The following ETS1 variants were observed in gnomAD, a reference collection of about 807,000 sequenced individuals.
ETS1 encodes the protein protein C-ets-1.
In ETS1, 15 loss-of-function variants were observed where a neutral mutation model predicts 58.6. The observed-to-expected ratio is 0.26, with a 90% CI of 0.17 to 0.39. The LOEUF (loss-of-function observed/expected upper bound fraction) is 0.39. Ranked by LOEUF, ETS1 falls within the 10% of genes least tolerant of loss-of-function variation. The pLI is 1.00. For synonymous variants in ETS1, 214 were observed against 218.2 expected (o/e 0.98, Z 0.17); for missense variants, 417 against 610.5 (o/e 0.68, Z 3.34).
At chr11:128,522,242 G>A (rs968926193) in intron 3 of ETS1, 13 of 1,194,544 alleles carry the variant, frequency 1.1e-5, no homozygotes, top group Non-Finnish European at 1.3e-5. Context: ...CGCCGCGCCC[G>A]CTCCTCCTGC....
chr11:128,519,605 G>A (rs1863610987), intron 3 of ETS1, among the ~76,000 whole-genome samples: 1 of 152,150 alleles, frequency 6.6e-6, no homozygotes, highest in Non-Finnish European at 1.5e-5. Context: ...AGACAGCCCT[G>A]GCCAGAAACA....
intron 8 of ETS1, among the ~76,000 whole-genome samples, chr11:128,473,127 T>A (rs1056683811): frequency 6.6e-6 from 1 of 152,172 alleles, no homozygotes; most frequent in African/African-American, 2.4e-5. Flanking sequence ...AGTCAGTGTA[T>A]ATGAAGGAGT....
chr11:128,535,111 AT>A (rs1195753479), intron 3 of ETS1, among the ~76,000 whole-genome samples: 4 of 152,056 alleles, frequency 2.6e-5, no homozygotes, highest in Non-Finnish European at 4.4e-5. Flanking sequence ...CTTTTTAATA[AT>A]CGTCATTCTG....
chr11:128,552,237 C>T (rs935004293), intron 3 of ETS1, among the ~76,000 whole-genome samples: 11 of 152,228 alleles, frequency 7.2e-5, no homozygotes, highest in Admixed American at 6.5e-4. Flanking sequence ...CTGGGTCCAG[C>T]GTCTGGGTTC....
rs369830957 is a variant in ETS1, at chr11:128,538,832, C to T, written c.214+17459G>A. ...CTCAGGTATCCTCAAAATACTCATG[C>T]ACTGTAGTGAGCAGTATTGAGGAAC... On this transcript the variant is annotated intron_variant, in intron 3 of 9. Coordinates refer to ENST00000392668, the MANE Select transcript of ETS1 (RefSeq NM_001143820.2). Among the ~76,000 whole-genome samples the T allele has an allele frequency of 3.5e-4, 54 of 152,168 alleles. No individual in the cohort carries two copies. The East Asian group carries it at 7.3e-3, about 21-fold the overall frequency.
At chr11:128,526,492 G>A (rs771947647) in intron 3 of ETS1, 9 of 181,234 alleles carry the variant, frequency 5.0e-5, no homozygotes, top group Non-Finnish European at 9.4e-5. Context: ...TCTAGTATAC[G>A]GTAGAATATG....
chr11:128,510,010 T>G (rs528502162), intron 3 of ETS1, among the ~76,000 whole-genome samples: 6 of 152,316 alleles, frequency 3.9e-5, no homozygotes, highest in African/African-American at 1.2e-4. Flanking sequence ...CCAACTGAAC[T>G]GCAGTTATGT....
At position 128,464,960 on chromosome 11, in the gene ETS1, T is replaced by C. The variant is rs914281705; in HGVS notation, c.1124-1333A>G. Among the ~76,000 whole-genome samples, 9 of 152,208 alleles carry C rather than the reference T, an allele frequency of 5.9e-5. No homozygotes were observed. The highest frequency in any genetic ancestry group is 2.2e-4 in the African/African-American group (9 of 41,458). ...TTCCTTTCTAATGGTGCAGAAAAAG[T>C]GCTCAGCAAAGTACTGTGACTTTGC... On this transcript the variant is annotated intron_variant, in intron 8 of 9. Coordinates refer to ENST00000392668, the MANE Select transcript of ETS1 (RefSeq NM_001143820.2). The surrounding 1 kb of genome is among the most constrained non-coding windows in gnomAD (Gnocchi z 4.1).
At chr11:128,574,643 G>T (rs1442866205) in intron 1 of ETS1, among the ~76,000 whole-genome samples, 1 of 152,156 alleles carries the variant, frequency 6.6e-6, no homozygotes, top group East Asian at 1.9e-4. Flanking sequence ...AGAGTAAGAT[G>T]CATGTCACGT....
rs551630544 is a variant in ETS1 at position 128,500,829 on chromosome 11, T to G, written c.215-10253A>C. 3.6e-4 allele frequency among the ~76,000 whole-genome samples: 55 copies of G among 152,262 alleles called. 1 individual carries two copies. Among genetic ancestry groups the G allele is most frequent in the African/African-American group, 1.3e-3 (53 of 41,534 alleles). Reference sequence around the variant, plus strand: ...AGATCCACAGAGGAGTACTTGATGATGAGTGGTCATGAGGGGCAGGGCAGG... The same window carrying G: ...AGATCCACAGAGGAGTACTTGATGAGGAGTGGTCATGAGGGGCAGGGCAGG... On this transcript the variant is annotated intron_variant, in intron 3 of 9. Coordinates refer to ENST00000392668, the MANE Select transcript of ETS1 (RefSeq NM_001143820.2).
At chr11:128,564,428 G>C (rs570833343) in intron 2 of ETS1, among the ~76,000 whole-genome samples, 8 of 152,284 alleles carry the variant, frequency 5.3e-5, no homozygotes, top group African/African-American at 1.9e-4. Flanking sequence ...GTAGAGAAGG[G>C]GATGTCTAAT....
chr11:128,525,604 T>TA (rs1388687309), intron 3 of ETS1, among the ~76,000 whole-genome samples: 1 of 106,354 alleles, frequency 9.4e-6, no homozygotes, highest in Non-Finnish European at 1.8e-5. Context: ...TTTACTGGTA[T>TA]AAATGTAAGA....
chr11:128,521,731 G>GTCCTCCTCCTCCTCC (rs760101577), intron 3 of ETS1, among the ~76,000 whole-genome samples: 2 of 151,552 alleles, frequency 1.3e-5, no homozygotes, highest in African/African-American at 4.8e-5. Context: ...GCCACCAACA[G>GTCCTCCTCCTCCTCC]TCCTCCTCCT....
chr11:128,474,582 T>G (rs1000751777), intron 8 of ETS1, among the ~76,000 whole-genome samples: 6 of 152,166 alleles, frequency 3.9e-5, no homozygotes, highest in Non-Finnish European at 7.4e-5. Flanking sequence ...TCCTCCTCAG[T>G]GCTCCAAAGT....
intron 7 of ETS1, among the ~76,000 whole-genome samples, chr11:128,483,719 G>A (rs150314786): frequency 2.4e-4 from 36 of 152,296 alleles, no homozygotes; most frequent in African/African-American, 7.5e-4. Flanking sequence ...CGAAGAAGAC[G>A]ACAATGGGCA....
At chr11:128,557,969 G>A (rs556020579) in intron 2 of ETS1, among the ~76,000 whole-genome samples, 4 of 152,240 alleles carry the variant, frequency 2.6e-5, no homozygotes, top group African/African-American at 9.6e-5. Flanking sequence ...ATTCACTTAA[G>A]ATCAGTAAAA....
At chr11:128,482,063 C>T (rs926272144) in intron 7 of ETS1, among the ~76,000 whole-genome samples, 12 of 152,280 alleles carry the variant, frequency 7.9e-5, no homozygotes, top group Non-Finnish European at 1.5e-4. Context: ...AGTCCACTAG[C>T]AAAAGGGCAC....
At chr11:128,531,144 A>T (rs1863891319) in intron 3 of ETS1, among the ~76,000 whole-genome samples, 1 of 152,244 alleles carries the variant, frequency 6.6e-6, no homozygotes, top group Admixed American at 6.5e-5. Context: ...GAGGCAACAT[A>T]GTAGAGTGGG....
At chr11:128,462,755 T>C (rs1861936784) in intron 9 of ETS1, among the ~76,000 whole-genome samples, 179 bp from the exon 10 acceptor site, 1 of 152,214 alleles carries the variant, frequency 6.6e-6, no homozygotes, top group Non-Finnish European at 1.5e-5. Flanking sequence ...CTGAATTCCA[T>C]TTTTCATGGG....
Sources: gnomAD v4.1 joint callset for allele counts (sites outside exome capture counted in the v4.1 genomes callset) on GRCh38, gnomAD v4.1.1 for gene constraint, Gnocchi (gnomAD v3.1) non-coding constraint, MANE v1.5 for transcripts, NCBI Gene and HGNC (gene_info 2026-07-23, HGNC 2026-07-21) for gene names.